Variants in MAP2 observed in about 807,000 individuals in gnomAD.
MAP2 encodes microtubule-associated protein 2.
Under a neutral mutation model 137.6 loss-of-function variants are expected in MAP2, and 14 were observed. The ratio of observed to expected loss-of-function variants is 0.10; its 90% CI spans 0.07 to 0.16. The LOEUF is 0.16. Among genes scored for constraint, MAP2 ranks in the 10% least tolerant of loss-of-function variants. MAP2 has a pLI of 1.00. For synonymous variants in MAP2, 786 were observed against 782.3 expected, an observed-to-expected ratio of 1.00 and a Z score of -0.08; for missense variants, 2,088 against 2,191.5, an observed-to-expected ratio of 0.95 and a Z score of 0.94.
intron 4 of MAP2, among the ~76,000 whole-genome samples, chr2:209,637,644 G>A (rs563133201): frequency 6.6e-6 from 1 of 152,034 alleles, no homozygotes; most frequent in African/African-American, 2.4e-5. Context: ...CTAACCATCA[G>A]CCTCACTGGT....
At chr2:209,535,648 A>G (rs897185470) in intron 2 of MAP2, among the ~76,000 whole-genome samples, 2 of 152,062 alleles carry the variant, frequency 1.3e-5, no homozygotes, top group African/African-American at 4.8e-5. Flanking sequence ...CAGTAGGGTC[A>G]ATCCATTTTG....
chr2:209,713,522 A>G (rs1159911357), intron 13 of MAP2, among the ~76,000 whole-genome samples: 1 of 152,232 alleles, frequency 6.6e-6, no homozygotes, highest in Non-Finnish European at 1.5e-5. Context: ...ATGGGCAATC[A>G]TAGATTCAGT....
intron 4 of MAP2, among the ~76,000 whole-genome samples, chr2:209,628,290 G>A (rs944601223): frequency 4.6e-5 from 7 of 152,100 alleles, no homozygotes; most frequent in East Asian, 3.9e-4. Flanking sequence ...GCTTGAACCC[G>A]GGAGACGGAG....
At chr2:209,468,321 T>TA (rs1704694484) in intron 1 of MAP2, among the ~76,000 whole-genome samples, 1 of 138,056 alleles carries the variant, frequency 7.2e-6, no homozygotes. Flanking sequence ...GTGTTTCTTT[T>TA]TTTTTTTTTT....
At chr2:209,719,137 G>A (rs926747948) in intron 13 of MAP2, among the ~76,000 whole-genome samples, 4 of 152,180 alleles carry the variant, frequency 2.6e-5, no homozygotes, top group Admixed American at 1.3e-4. Context: ...TTAATCCCCT[G>A]CAAGGTTAAA....
intron 2 of MAP2, among the ~76,000 whole-genome samples, chr2:209,509,834 A>G (rs892215459): frequency 5.9e-5 from 9 of 151,894 alleles, no homozygotes; most frequent in Non-Finnish European, 1.2e-4. Context: ...CCATTGCAAT[A>G]TTTTATCAAT....
At chr2:209,532,552 T>C (rs557329828) in intron 2 of MAP2, among the ~76,000 whole-genome samples, 1 of 152,320 alleles carries the variant, frequency 6.6e-6, no homozygotes, top group South Asian at 2.1e-4. Flanking sequence ...TGGATTCAAG[T>C]TGAGACAGTC....
chr2:209,722,294 T>C (rs534401917), intron 13 of MAP2, among the ~76,000 whole-genome samples: 192 of 152,376 alleles, frequency 1.3e-3, no homozygotes, highest in Middle Eastern at 3.4e-3. Flanking sequence ...GATATTTCCC[T>C]GCAAGGGACA....
intron 1 of MAP2, among the ~76,000 whole-genome samples, chr2:209,496,696 T>C (rs938915955): frequency 1.3e-5 from 2 of 152,216 alleles, no homozygotes; most frequent in African/African-American, 4.8e-5. Flanking sequence ...CTTCAGGCTT[T>C]CCTGTTTCTA....
intron 2 of MAP2, among the ~76,000 whole-genome samples, chr2:209,533,869 A>G (rs1371848630): frequency 6.6e-6 from 1 of 152,190 alleles, no homozygotes; most frequent in African/African-American, 2.4e-5. Flanking sequence ...GAGCCGGTCT[A>G]GGTAAGAGAG....
At chr2:209,454,896 T>G (rs1701181387) in intron 1 of MAP2, among the ~76,000 whole-genome samples, 1 of 152,198 alleles carries the variant, frequency 6.6e-6, no homozygotes, top group Non-Finnish European at 1.5e-5. Flanking sequence ...GACATTTATT[T>G]CTCACAGTTC....
intron 7 of MAP2, 77 bp downstream of exon 7, chr2:209,680,904 C>A: frequency 8.1e-7 from 1 of 1,235,272 alleles, no homozygotes; most frequent in Non-Finnish European, 1.2e-6. Flanking sequence ...AAGCTCTGGA[C>A]TTTGGTATTG....
intron 3 of MAP2, among the ~76,000 whole-genome samples, chr2:209,603,421 G>C (rs777583087): frequency 1.2e-4 from 19 of 152,058 alleles, no homozygotes; most frequent in Non-Finnish European, 2.4e-4. Flanking sequence ...GCGGTGGGAT[G>C]GGGGGCGGTT....
chr2:209,639,871 ACAGCCCTTCCTC>A (rs1314226319), intron 4 of MAP2, among the ~76,000 whole-genome samples: 1 of 151,998 alleles, frequency 6.6e-6, no homozygotes, highest in African/African-American at 2.4e-5. Flanking sequence ...TGAATTAAAC[ACAGCCCTTCCTC>A]CAGGAGCTCA....
At chr2:209,589,365 A>G (rs1001403928) in intron 3 of MAP2, among the ~76,000 whole-genome samples, 1 of 152,180 alleles carries the variant, frequency 6.6e-6, no homozygotes, top group African/African-American at 2.4e-5. Context: ...TAAACCTGGG[A>G]CACATATCCT....
rs904628953 is a variant in MAP2 at position 209,690,606 on chromosome 2, A to G, written c.455-2019A>G. 14 of 1,279,856 alleles carry G rather than the reference A, an allele frequency of 1.1e-5. No individual in the cohort carries two copies. In the South Asian group the frequency reaches 1.6e-4, roughly 15 times the overall value. The allele number at this position is 1,279,856 out of a possible 1,614,324, so 79.3% of individuals were successfully genotyped here. A position where few individuals can be genotyped will look rare whatever the true frequency, so the allele number is the denominator to read the frequency against. On this transcript the variant is annotated intron_variant, in intron 7 of 15. Coordinates refer to ENST00000682079, the MANE Select transcript of MAP2 (RefSeq NM_001375505.1). ...CAACATCTTTTTCATCCCTAAGAAG[A>G]AGAAACGCTAGAGAGTCGGATGGCT...
intron 2 of MAP2, among the ~76,000 whole-genome samples, chr2:209,532,803 T>A (rs968715175): frequency 3.3e-5 from 5 of 152,206 alleles, no homozygotes; most frequent in African/African-American, 1.2e-4. Flanking sequence ...CCATTTTGAT[T>A]TAATTGGTTG....
intron 5 of MAP2, among the ~76,000 whole-genome samples, chr2:209,668,523 C>T (rs932339796): frequency 6.6e-6 from 1 of 151,864 alleles, no homozygotes; most frequent in Non-Finnish European, 1.5e-5. Context: ...AATACAGAGT[C>T]TAAAAGAAAT....
intron 1 of MAP2, among the ~76,000 whole-genome samples, chr2:209,466,580 C>A (rs1354527826): frequency 6.6e-6 from 1 of 152,120 alleles, no homozygotes; most frequent in Non-Finnish European, 1.5e-5. Flanking sequence ...ATAATACCTA[C>A]CCATTTTTCA....
Sources: gnomAD v4.1 joint callset for allele counts (sites outside exome capture counted in the v4.1 genomes callset) on GRCh38, gnomAD v4.1.1 for gene constraint, MANE v1.5 for transcripts, NCBI Gene and HGNC (gene_info 2026-07-23, HGNC 2026-07-21) for gene names.